CYYR1: variants seen among roughly 807,000 people sequenced by gnomAD.
CYYR1 encodes the protein cysteine and tyrosine-rich protein 1.
A neutral mutation model predicts 15.2 loss-of-function variants in CYYR1; 14 were observed. The ratio of observed to expected loss-of-function variants is 0.92; its 90% confidence interval spans 0.61 to 1.44. The LOEUF (loss-of-function observed/expected upper bound fraction) is 1.44. Among genes scored for constraint, CYYR1 ranks in the 40% most tolerant of loss-of-function variants. CYYR1 has a pLI of 0.00. For missense variants in CYYR1, 228 were observed against 209.5 expected (o/e 1.09, Z -0.54); for synonymous variants, 80 against 77.4 (o/e 1.03, Z -0.18).
chr21:26,508,593 T>C (rs1339973281), intron 2 of CYYR1, among the ~76,000 whole-genome samples: 2 of 152,202 alleles, frequency 1.3e-5, no homozygotes, highest in African/African-American at 2.4e-5. Flanking sequence ...AGAATGATTT[T>C]ACTTTTTGGA....
intron 2 of CYYR1, among the ~76,000 whole-genome samples, chr21:26,483,681 C>A (rs2065214113): frequency 6.6e-6 from 1 of 152,116 alleles, no homozygotes; most frequent in South Asian, 2.1e-4. Context: ...CACCCAGTCT[C>A]TGGCTTCGCT....
intron 2 of CYYR1, among the ~76,000 whole-genome samples, chr21:26,549,021 T>C (rs1180544678): frequency 1.3e-5 from 2 of 152,110 alleles, no homozygotes; most frequent in African/African-American, 4.8e-5. Context: ...TTAAAAGTGT[T>C]GTTTGAAACA....
intron 2 of CYYR1, among the ~76,000 whole-genome samples, chr21:26,488,484 G>C (rs1276872626): frequency 6.6e-6 from 1 of 151,960 alleles, no homozygotes; most frequent in Admixed American, 6.6e-5. Context: ...AACTCCTGAG[G>C]TAAAGCAATC....
In CYYR1 at chr21:26,482,349, C is replaced by G. The variant is rs1050448483; in HGVS notation, c.177-1920G>C. On this transcript the variant is annotated intron_variant, in intron 2 of 3. Transcript: ENST00000652641. ...GCTCCTTGCAAAAATTCCTAGAAAT[C>G]TTTCCCACATTATCAGTAGCTTTTT... 6.1e-6 allele frequency: 6 copies of G among 985,196 alleles called. No individual in the cohort carries two copies. The African/African-American group carries it at 1.0e-4, about 17-fold the overall frequency. 61.0% of individuals were successfully genotyped at this position (985,196 alleles called of 1,614,324 possible).
At position 26,500,123 on chromosome 21, in the gene CYYR1, C is replaced by A. The variant is rs563745299; in HGVS notation, c.177-19694G>T. On this transcript the variant is annotated intron_variant, in intron 2 of 3. Transcript: ENST00000652641. ...TGTCTTCACATTGCAGAGAGAAGAA[C>A]CTTTGGTGGTTCTTCCTCTTTTTAT... Among the ~76,000 whole-genome samples, 9 of 152,062 alleles carry A rather than the reference C, an allele frequency of 5.9e-5. No individual in the cohort carries two copies. In the East Asian group the frequency reaches 7.8e-4, roughly 13 times the overall value.
intron 2 of CYYR1, among the ~76,000 whole-genome samples, chr21:26,508,136 G>A (rs2065594873): frequency 6.6e-6 from 1 of 152,136 alleles, no homozygotes; most frequent in South Asian, 2.1e-4. Context: ...CCCATGAGAG[G>A]GCATGGCATT....
rs1338377722 is a variant in CYYR1 at position 26,572,721 on chromosome 21, G to GC, written c.73+146dup. ...TGCGGCTGGAAGTGCGCGGGTTTCT[G>GC]CCGTCGCCTCGCGGAAAAGGCAGAA... On this transcript the variant is annotated intron_variant, in intron 1 of 3. Transcript: ENST00000652641. The GC allele has an allele frequency of 4.9e-5, 46 of 945,900 alleles. No individual in the cohort carries two copies. In the South Asian group the frequency reaches 8.1e-4, roughly 17 times the overall value. 58.6% of individuals were successfully genotyped at this position (945,900 alleles called of 1,614,324 possible). A position where few individuals can be genotyped will look rare whatever the true frequency, so the allele number is the denominator to read the frequency against.
At chr21:26,543,023 A>G (rs533426568) in intron 2 of CYYR1, among the ~76,000 whole-genome samples, 4 of 152,246 alleles carry the variant, frequency 2.6e-5, no homozygotes, top group Non-Finnish European at 5.9e-5. Flanking sequence ...TTTGTCTGCT[A>G]TAAAAAGATT....
At chr21:26,557,211 T>C (rs1418885134) in intron 2 of CYYR1, among the ~76,000 whole-genome samples, 1 of 152,172 alleles carries the variant, frequency 6.6e-6, no homozygotes, top group African/African-American at 2.4e-5. Flanking sequence ...TAAATGGTAG[T>C]TCTCTTTCTT....
chr21:26,507,411 T>G (rs2065583349), intron 2 of CYYR1, among the ~76,000 whole-genome samples: 1 of 152,226 alleles, frequency 6.6e-6, no homozygotes, highest in South Asian at 2.1e-4. Flanking sequence ...GTCTTTACAT[T>G]TCTCATTATT....
chr21:26,530,542 C>T (rs2065918724), intron 2 of CYYR1, among the ~76,000 whole-genome samples: 1 of 151,974 alleles, frequency 6.6e-6, no homozygotes, highest in East Asian at 1.9e-4. Context: ...ATACACGTGC[C>T]ATGGTGGTTT....
At chr21:26,468,708 C>A in intron 3 of CYYR1, 74 bp from the exon 4 acceptor site, 1 of 1,170,182 alleles carries the variant, frequency 8.5e-7, no homozygotes, top group East Asian at 2.4e-5. Context: ...AGCCACTGGG[C>A]TAGATACTTT....
chr21:26,515,737 A>G (rs2065719452), intron 2 of CYYR1, among the ~76,000 whole-genome samples: 2 of 152,154 alleles, frequency 1.3e-5, no homozygotes, highest in Non-Finnish European at 2.9e-5. Flanking sequence ...TAAATCTCCA[A>G]AAGAGTTTGC....
intron 2 of CYYR1, among the ~76,000 whole-genome samples, chr21:26,522,431 T>C (rs2065814090): frequency 6.6e-6 from 1 of 152,174 alleles, no homozygotes; most frequent in Non-Finnish European, 1.5e-5. Flanking sequence ...TATGCAAAGA[T>C]GGTATTTTTA....
intron 2 of CYYR1, chr21:26,550,929 C>T (rs1490876138): frequency 1.3e-5 from 2 of 152,498 alleles, no homozygotes; most frequent in African/African-American, 4.8e-5. Flanking sequence ...AAGACACCAT[C>T]TAGGACTTTC....
At chr21:26,543,015 T>C (rs1978681255) in intron 2 of CYYR1, among the ~76,000 whole-genome samples, 1 of 152,246 alleles carries the variant, frequency 6.6e-6, no homozygotes, top group Non-Finnish European at 1.5e-5. Flanking sequence ...AAAGAATGTT[T>C]GTCTGCTATA....
chr21:26,500,915 A>G (rs1038197206), intron 2 of CYYR1, among the ~76,000 whole-genome samples: 4 of 152,230 alleles, frequency 2.6e-5, no homozygotes, highest in Admixed American at 1.3e-4. Flanking sequence ...CCTATAAAAC[A>G]GTAGTGGGAC....
chr21:26,513,448 A>G (rs761552326), intron 2 of CYYR1, among the ~76,000 whole-genome samples: 3 of 152,122 alleles, frequency 2.0e-5, no homozygotes, highest in Non-Finnish European at 4.4e-5. Context: ...TCCAGGGGAA[A>G]TTCCAGTGGT....
At chr21:26,526,958 C>A (rs889847568) in intron 2 of CYYR1, among the ~76,000 whole-genome samples, 1 of 152,214 alleles carries the variant, frequency 6.6e-6, no homozygotes, top group African/African-American at 2.4e-5. Flanking sequence ...TAATTGTCAA[C>A]ACCTGACTCA....
Sources: allele counts gnomAD v4.1 joint callset (sites outside exome capture counted in the v4.1 genomes callset), GRCh38; gene constraint gnomAD v4.1.1; transcripts MANE v1.5; gene names NCBI Gene and HGNC (gene_info 2026-07-23, HGNC 2026-07-21).